The following SCN10A variants were observed in gnomAD, a reference collection of about 807,000 sequenced individuals.
SCN10A encodes sodium channel protein type 10 subunit alpha.
In SCN10A, 162 loss-of-function variants were observed where a neutral mutation model predicts 170.7. The observed-to-expected ratio is 0.95, with a 90% confidence interval of 0.84 to 1.08. The LOEUF is 1.08. Among genes scored for constraint, SCN10A ranks in the 50% least tolerant of loss-of-function variants. The pLI is 0.00. For synonymous variants in SCN10A, 985 were observed against 904.6 expected, an observed-to-expected ratio of 1.09 and a Z score of -1.59; for missense variants, 2,527 against 2,436.9, an observed-to-expected ratio of 1.04 and a Z score of -0.78.
At chr3:38,715,351 CCT>C (rs906826657) in intron 21 of SCN10A, among the ~76,000 whole-genome samples, 5 of 152,124 alleles carry the variant, frequency 3.3e-5, no homozygotes, top group African/African-American at 1.2e-4. Context: ...GTCTCCAGGC[CCT>C]AGTACTGCAC....
At chr3:38,720,578 T>C (rs951044903) in intron 20 of SCN10A, among the ~76,000 whole-genome samples, 1 of 152,080 alleles carries the variant, frequency 6.6e-6, no homozygotes, top group African/African-American at 2.4e-5. Context: ...TAAAGAAGGC[T>C]AAATTTGGTG....
intron 1 of SCN10A, among the ~76,000 whole-genome samples, chr3:38,798,386 G>T (rs2064352316): frequency 6.6e-6 from 1 of 152,120 alleles, no homozygotes; most frequent in African/African-American, 2.4e-5. Context: ...AGTGTCTGCT[G>T]GTGACCTCTG....
chr3:38,794,143 C>A, intron 1 of SCN10A, 101 bp from the exon 2 acceptor site: 4 of 810,702 alleles, frequency 4.9e-6, no homozygotes, highest in Non-Finnish European at 7.9e-6. Context: ...CCTTCTCCCA[C>A]CCTCATATCT....
At chr3:38,787,851 G>A (rs1025353940) in intron 4 of SCN10A, among the ~76,000 whole-genome samples, 2 of 145,536 alleles carry the variant, frequency 1.4e-5, no homozygotes, top group African/African-American at 2.6e-5. Flanking sequence ...GCCCCAGTGT[G>A]TTCCCCTCCC....
chr3:38,718,569 T>A (rs999603210), intron 21 of SCN10A, 84 bp downstream of exon 21: 15 of 1,432,898 alleles, frequency 1.0e-5, no homozygotes, highest in Non-Finnish European at 1.4e-5. Context: ...GAGGGCCAGG[T>A]CTCTGAGCTT....
intron 4 of SCN10A, among the ~76,000 whole-genome samples, chr3:38,773,477 T>A (rs1311865164): frequency 1.3e-5 from 2 of 152,150 alleles, no homozygotes; most frequent in African/African-American, 4.8e-5. Flanking sequence ...GATGAAGTAC[T>A]CTAGCTGTGA....
At position 38,742,498 on chromosome 3, in the gene SCN10A, G is replaced by A. The variant is rs541325272; in HGVS notation, c.1899C>T (p.Pro633=). The change falls in exon 14 of 28, where the codon CCC becomes CCT. Residue 633 remains proline (P), a synonymous_variant. Transcript: ENST00000449082. ...ELEESEQKCP[P]CLTSLSQKYL... is the part of the protein sequence containing the mutation. ...ACTTCTGAGACAAGCTGGTCAAGCA[G>A]GGTGGGCACTTCTGTTCAGACTCCT... The A allele has an allele frequency of 6.2e-7, 1 of 1,614,176 alleles. No homozygotes were observed. The highest frequency in any genetic ancestry group is 1.1e-5 in the South Asian group (1 of 91,078).
chr3:38,707,183 T>A, intron 26 of SCN10A, 96 bp downstream of exon 26: 1 of 1,296,112 alleles, frequency 7.7e-7, no homozygotes, highest in Non-Finnish European at 1.1e-6. Flanking sequence ...TTCTCTTCCA[T>A]AAACAGCACT....
intron 5 of SCN10A, among the ~76,000 whole-genome samples, chr3:38,767,737 T>A (rs1015832589): frequency 6.6e-6 from 1 of 152,174 alleles, no homozygotes; most frequent in African/African-American, 2.4e-5. Context: ...GAATGTTTTT[T>A]AAATATCTGT....
chr3:38,699,896 T>A (rs1003497198), intron 27 of SCN10A, among the ~76,000 whole-genome samples: 1 of 151,824 alleles, frequency 6.6e-6, no homozygotes. Flanking sequence ...GATATGTGGG[T>A]TTTTTCTGCT....
intron 4 of SCN10A, among the ~76,000 whole-genome samples, chr3:38,781,824 C>A (rs11926158): frequency 6.6e-6 from 1 of 151,898 alleles, no homozygotes; most frequent in Admixed American, 6.6e-5. Context: ...TATTTGGCAT[C>A]TCTTATTTGC....
intron 10 of SCN10A, 150 bp downstream of exon 10, chr3:38,756,524 G>C: frequency 2.9e-6 from 2 of 700,874 alleles, no homozygotes; most frequent in Non-Finnish European, 4.9e-6. Flanking sequence ...CTTCTTCTTT[G>C]AGAAAACCTG....
At chr3:38,763,409 T>C (rs2063897487) in intron 6 of SCN10A, 96 bp downstream of exon 6, 1 of 948,664 alleles carries the variant, frequency 1.1e-6, no homozygotes, top group South Asian at 1.4e-5. Flanking sequence ...GTGGGGACAA[T>C]AGTCTTTGCC....
At position 38,698,079 on chromosome 3, in the gene SCN10A, A is replaced by T; in HGVS notation, c.5141T>A (p.Val1714Asp). The change falls in exon 28 of 28, where the codon GTC (valine) becomes GAC (aspartate). Residue 1714 changes from valine to aspartate, a missense_variant. Coordinates refer to ENST00000449082, the MANE Select transcript of SCN10A (RefSeq NM_006514.4). ...TYIIISFLIMVNMYIAVILEN... is the reference protein window; with the variant it reads ...TYIIISFLIMDNMYIAVILEN... ...CAGAATCACTGCAATGTACATGTTG[A>T]CCATGATGAGGAAGGAGATGATGAT... The T allele has an allele frequency of 6.2e-7, 1 of 1,614,106 alleles. No individual in the cohort carries two copies. The highest frequency in any genetic ancestry group is 8.5e-7 in the Non-Finnish European group (1 of 1,180,028).
chr3:38,763,128 TC>T (rs1212856122), intron 6 of SCN10A, among the ~76,000 whole-genome samples: 1 of 152,218 alleles, frequency 6.6e-6, no homozygotes, highest in African/African-American at 2.4e-5. Context: ...GACTGCTTTC[TC>T]CCTTCCTCCC....
intron 11 of SCN10A, among the ~76,000 whole-genome samples, chr3:38,755,466 T>G (rs1272410570): frequency 6.6e-6 from 1 of 151,976 alleles, no homozygotes; most frequent in Non-Finnish European, 1.5e-5. Flanking sequence ...TCCTCCAGTG[T>G]CCTCATCTTG....
intron 26 of SCN10A, among the ~76,000 whole-genome samples, chr3:38,703,488 C>A (rs190809335): frequency 2.6e-5 from 4 of 152,328 alleles, no homozygotes; most frequent in Admixed American, 1.3e-4. Flanking sequence ...CCTCAGCCCA[C>A]ATCAACAGAG....
chr3:38,726,936 G>T lies in SCN10A; in HGVS notation c.2757C>A (p.Val919=), dbSNP rs200993949. ...GAGCCTGTTTGGTACGATGGCCAAAGACCTGGATCCGTGCCAGGGCCACCT... is the reference window on the plus strand; with the variant it reads ...GAGCCTGTTTGGTACGATGGCCAAATACCTGGATCCGTGCCAGGGCCACCT... ...NLQVALARIQ[V]FGHRTKQALC... is the part of the protein sequence containing the mutation. Residue 919 remains valine, a synonymous_variant, in exon 17 of 28, where the codon GTC becomes GTA. Coordinates refer to ENST00000449082, the MANE Select transcript of SCN10A (RefSeq NM_006514.4). The T allele has an allele frequency of 6.2e-7, 1 of 1,614,264 alleles. No individual in the cohort carries two copies. The highest frequency in any genetic ancestry group is 8.5e-7 in the Non-Finnish European group (1 of 1,180,044).
chr3:38,751,270 T>C (rs1331612757), intron 12 of SCN10A, among the ~76,000 whole-genome samples: 1 of 152,182 alleles, frequency 6.6e-6, no homozygotes, highest in Admixed American at 6.5e-5. Context: ...CTTTCCTTCA[T>C]CCCTTCAGCC....
Sources: allele counts gnomAD v4.1 joint callset (sites outside exome capture counted in the v4.1 genomes callset), GRCh38; gene constraint gnomAD v4.1.1; transcripts MANE v1.5; gene names NCBI Gene and HGNC (gene_info 2026-07-23, HGNC 2026-07-21).